The following ST3GAL3 variants were observed in gnomAD, a reference collection of about 807,000 sequenced individuals.
ST3GAL3 encodes CMP-N-acetylneuraminate-beta-1,4-galactoside alpha-2,3-sialyltransferase.
In ST3GAL3, 21 loss-of-function variants were observed where a neutral mutation model predicts 50.1. The observed-to-expected ratio is 0.42, with a 90% CI of 0.30 to 0.60. The LOEUF (loss-of-function observed/expected upper bound fraction) is 0.60, where lower values mean the gene tolerates loss of function less well. ST3GAL3 is among the 20% of genes least tolerant of loss of function. The pLI, the probability that ST3GAL3 is intolerant of heterozygous loss-of-function variation, is 0.19. For missense variants in ST3GAL3, 353 were observed against 489.4 expected (o/e 0.72, Z 2.63); for synonymous variants, 183 against 190.0 (o/e 0.96, Z 0.30).
At chr1:43,885,628 G>T (rs72684762) in intron 5 of ST3GAL3, among the ~76,000 whole-genome samples, 1,743 of 152,336 alleles carry the variant, frequency 0.011, 14 homozygotes, top group Non-Finnish European at 0.016. Context: ...TGGTCTGGAC[G>T]GAAGCCCCTG....
At chr1:43,793,074 G>T (rs1056526266) in intron 3 of ST3GAL3, among the ~76,000 whole-genome samples, 2 of 152,188 alleles carry the variant, frequency 1.3e-5, no homozygotes, top group African/African-American at 2.4e-5. Context: ...GGCAGTTGTA[G>T]TAGAGTGGAC....
intron 2 of ST3GAL3, among the ~76,000 whole-genome samples, chr1:43,753,696 T>C (rs1177551742): frequency 6.6e-6 from 1 of 152,226 alleles, no homozygotes; most frequent in African/African-American, 2.4e-5. Context: ...GCTTTCTCCC[T>C]CTTTGACCTG....
intron 9 of ST3GAL3, among the ~76,000 whole-genome samples, chr1:43,900,091 A>C (rs1032477827): frequency 2.6e-5 from 4 of 151,654 alleles, no homozygotes; most frequent in African/African-American, 9.7e-5. Context: ...TATCACTCCC[A>C]ATCTTTCTAC....
intron 5 of ST3GAL3, 56 bp from the exon 6 acceptor site, chr1:43,894,327 C>G: frequency 1.3e-6 from 2 of 1,561,182 alleles, no homozygotes; most frequent in Middle Eastern, 1.7e-4. Flanking sequence ...GGAAGTGCCA[C>G]CAGTAATCCA....
chr1:43,920,913 G>A lies in ST3GAL3; in HGVS notation c.1023G>A (p.Met341Ile), dbSNP rs895326720. The part of the protein sequence containing the change: ...APLHYYETVR[M>I]AAIKESWTHN... ...TGCACTACTATGAGACCGTTCGCAT[G>A]GCAGCCATCAAAGAGGTTCGGGGCT... The change falls in exon 11 of 12, where the codon ATG (methionine) becomes ATA (isoleucine). Residue 341 changes from methionine to isoleucine, a missense_variant. Transcript: ENST00000347631. 6 of 1,613,200 alleles carry A rather than the reference G, an allele frequency of 3.7e-6. No homozygotes were observed. In the African/African-American group the frequency reaches 6.7e-5, roughly 18 times the overall value.
intron 11 of ST3GAL3, among the ~76,000 whole-genome samples, chr1:43,928,239 A>G (rs1239725220): frequency 6.6e-6 from 1 of 152,214 alleles, no homozygotes; most frequent in Admixed American, 6.5e-5. Flanking sequence ...CAGCCTCCCA[A>G]GTAGTTGGGA....
chr1:43,894,645 G>GT lies in ST3GAL3; in HGVS notation c.397+180dup, dbSNP rs112814003. 0.022 allele frequency among the ~76,000 whole-genome samples: 3,137 copies of GT among 142,048 alleles called. 43 individuals are homozygous for GT. Among genetic ancestry groups the GT allele is most frequent in the African/African-American group, 0.035 (1,373 of 39,216 alleles). The allele number at this position is 142,048 out of a possible 152,430, so 93.2% of individuals were successfully genotyped here. A position where few individuals can be genotyped will look rare whatever the true frequency, so the allele number is the denominator to read the frequency against. On this transcript the variant is annotated intron_variant, in intron 6 of 11. Coordinates refer to ENST00000347631, the MANE Select transcript of ST3GAL3 (RefSeq NM_006279.5). ...CCTTCCTTTTTTTGTTTGTTTGTTT[G>GT]TTTTTTTTTTTTGAGATAGATCCTT...
intron 1 of ST3GAL3, among the ~76,000 whole-genome samples, chr1:43,720,960 C>T (rs1246032789): frequency 1.3e-5 from 2 of 152,106 alleles, no homozygotes; most frequent in Non-Finnish European, 2.9e-5. Context: ...CAATGAAGTA[C>T]TGGGCCAGGC....
At chr1:43,751,039 T>G (rs1412000706) in intron 2 of ST3GAL3, among the ~76,000 whole-genome samples, 1 of 152,128 alleles carries the variant, frequency 6.6e-6, no homozygotes, top group Non-Finnish European at 1.5e-5. Context: ...TTGTATAAAT[T>G]GGAAAAACCA....
At chr1:43,728,460 G>A (rs530881184) in intron 1 of ST3GAL3, among the ~76,000 whole-genome samples, 1 of 152,280 alleles carries the variant, frequency 6.6e-6, no homozygotes, top group African/African-American at 2.4e-5. Context: ...TTATATGTTG[G>A]GGGGGTGGGC....
In ST3GAL3 at chr1:43,920,924, A is replaced by G. The variant is rs372719675; in HGVS notation, c.1034A>G (p.Lys345Arg). 1.9e-5 allele frequency: 30 copies of G among 1,611,508 alleles called. No homozygotes were observed. The highest frequency in any genetic ancestry group is 3.3e-5 in the South Asian group (3 of 90,714). Residue 345 changes from lysine (K) to arginine (R), a missense_variant, in exon 11 of 12, where the codon AAA becomes AGA. Coordinates refer to ENST00000347631, the MANE Select transcript of ST3GAL3 (RefSeq NM_006279.5). Reference sequence around the variant, plus strand: ...GAGACCGTTCGCATGGCAGCCATCAAAGAGGTTCGGGGCTGGGTATGGGGG... The same window carrying G: ...GAGACCGTTCGCATGGCAGCCATCAGAGAGGTTCGGGGCTGGGTATGGGGG... ...YYETVRMAAIKESWTHNIQRE... is the reference protein window; with the variant it reads ...YYETVRMAAIRESWTHNIQRE...
intron 6 of ST3GAL3, 65 bp downstream of exon 6, chr1:43,894,542 C>G (rs2077100668): frequency 7.0e-7 from 1 of 1,436,084 alleles, no homozygotes; most frequent in Non-Finnish European, 9.8e-7. Flanking sequence ...GTCCTTCAGA[C>G]AAGGCTACAT....
At chr1:43,781,173 G>A (rs576756023) in intron 2 of ST3GAL3, among the ~76,000 whole-genome samples, 1 of 152,092 alleles carries the variant, frequency 6.6e-6, no homozygotes, top group Non-Finnish European at 1.5e-5. Context: ...GGGTGCTTCT[G>A]CTTTACAATG....
At chr1:43,861,111 G>A (rs1198951666) in intron 5 of ST3GAL3, among the ~76,000 whole-genome samples, 5 of 152,176 alleles carry the variant, frequency 3.3e-5, no homozygotes, top group South Asian at 2.1e-4. Flanking sequence ...CTCTGCCTCC[G>A]TCTGGGCAAG....
chr1:43,815,064 TGTCAG>T, intron 4 of ST3GAL3, 131 bp downstream of exon 4: 1 of 930,058 alleles, frequency 1.1e-6, no homozygotes, highest in Non-Finnish European at 1.8e-6. Context: ...GTCCTCAGGC[TGTCAG>T]CAGAATCTTG....
intron 9 of ST3GAL3, among the ~76,000 whole-genome samples, chr1:43,904,795 C>T (rs66977198): frequency 0.73 from 68,955 of 94,066 alleles, 22,709 homozygotes; most frequent in Non-Finnish European, 0.8. Context: ...TCTTCCTCCC[C>T]CTCCTCCTGT....
chr1:43,839,495 A>G (rs2064994157), intron 5 of ST3GAL3: 1 of 152,250 alleles, frequency 6.6e-6, no homozygotes, highest in Non-Finnish European at 1.5e-5. Context: ...TGAAAGTAAT[A>G]CAGGCATGTG....
At position 43,879,919 on chromosome 1, in the gene ST3GAL3, C is replaced by G. The variant is rs533794946; in HGVS notation, c.303-14464C>G. Among the ~76,000 whole-genome samples, 114 of 152,342 alleles carry G rather than the reference C, an allele frequency of 7.5e-4. 1 individual carries two copies. Among genetic ancestry groups the G allele is most frequent in the African/African-American group, 2.6e-3 (110 of 41,574 alleles). ...TTGGATCCATCTGACTTTTCCTGCTCCTACTTCTGGGCTGCTTGGCACCAC... is the reference window on the plus strand; with the variant it reads ...TTGGATCCATCTGACTTTTCCTGCTGCTACTTCTGGGCTGCTTGGCACCAC... On this transcript the variant is annotated intron_variant, in intron 5 of 11. Transcript: ENST00000347631.
intron 1 of ST3GAL3, among the ~76,000 whole-genome samples, chr1:43,730,643 T>C (rs1045924956): frequency 4.0e-5 from 6 of 151,424 alleles, no homozygotes; most frequent in East Asian, 3.9e-4. Context: ...TCATAATGGC[T>C]TACTGTAACC....
Sources: gnomAD v4.1 joint callset for allele counts (sites outside exome capture counted in the v4.1 genomes callset) on GRCh38, gnomAD v4.1.1 for gene constraint, MANE v1.5 for transcripts, NCBI Gene and HGNC (gene_info 2026-07-23, HGNC 2026-07-21) for gene names.